PRPF8: variants seen among roughly 807,000 people sequenced by gnomAD.
The protein encoded by PRPF8 is pre-mRNA processing factor 8.
Under a neutral mutation model 285.9 loss-of-function variants are expected in PRPF8, and 64 were observed. The ratio of observed to expected loss-of-function variants is 0.22; its 90% CI spans 0.18 to 0.28. The LOEUF is 0.28. Ranked by LOEUF, PRPF8 falls within the 10% of genes least tolerant of loss-of-function variation. The probability of loss-of-function intolerance (pLI) is 1.00; values close to 1 mark genes in which losing one functional copy is unlikely to be tolerated. For synonymous variants in PRPF8, 1,325 were observed against 1,118.2 expected, an observed-to-expected ratio of 1.18 and a Z score of -3.69; for missense variants, 1,426 against 3,026.7, an observed-to-expected ratio of 0.47 and a Z score of 12.41.
In PRPF8 at chr17:1,653,102, C is replaced by T. The variant is rs1911172651; in HGVS notation, c.6369+440G>A. The T allele has an allele frequency of 3.4e-6, 1 of 291,174 alleles. No individual in the cohort carries two copies. The highest frequency in any genetic ancestry group is 3.3e-5 in the South Asian group (1 of 30,296). 18.0% of individuals were successfully genotyped at this position (291,174 alleles called of 1,614,324 possible). A position where few individuals can be genotyped will look rare whatever the true frequency, so the allele number is the denominator to read the frequency against. On this transcript the variant is annotated intron_variant, in intron 39 of 42. Coordinates refer to ENST00000304992, the MANE Select transcript of PRPF8 (RefSeq NM_006445.4). The surrounding 1 kb of genome is among the most constrained non-coding windows in gnomAD (Gnocchi z 4.9). Reference sequence around the variant, plus strand: ...TACGGGCGCATGCCACCATGCCTGGCTAATTTTTTGTATTTTTAGTAGAGA... The same window carrying T: ...TACGGGCGCATGCCACCATGCCTGGTTAATTTTTTGTATTTTTAGTAGAGA...
At position 1,677,692 on chromosome 17, in the gene PRPF8, G is replaced by C; in HGVS notation, c.1857C>G (p.Gly619=). The C allele has an allele frequency of 6.2e-7, 1 of 1,613,794 alleles. No homozygotes were observed. The highest frequency in any genetic ancestry group is 8.5e-7 in the Non-Finnish European group (1 of 1,180,012). The change falls in exon 14 of 43, where the codon GGC becomes GGG. Residue 619 remains glycine (G), a splice_region_variant and synonymous_variant. Coordinates refer to ENST00000304992, the MANE Select transcript of PRPF8 (RefSeq NM_006445.4). ...KHLIYYRFNT[G]PVGKGPGCGF... is the part of the protein sequence containing the mutation. ...CACAGCCAGGACCCTTCCCTACAGGGCCCTACGATCCCAAGCAGAAGTTAA... is the reference window on the plus strand; with the variant it reads ...CACAGCCAGGACCCTTCCCTACAGGCCCCTACGATCCCAAGCAGAAGTTAA...
chr17:1,665,234 T>G (rs568085819), intron 24 of PRPF8, among the ~76,000 whole-genome samples: 1 of 141,660 alleles, frequency 7.1e-6, no homozygotes, highest in South Asian at 2.2e-4. Flanking sequence ...AAGTGAATAA[T>G]ACTATTAGAA....
rs779426024 is a variant in PRPF8 at position 1,675,886 on chromosome 17, C to T, written c.2679+42G>A. On this transcript the variant is annotated intron_variant, in intron 18 of 42. Transcript: ENST00000304992. The surrounding 1 kb of genome is among the most constrained non-coding windows in gnomAD (Gnocchi z 6.0). ...TGGTAGAACCAAAGGCAACTGCTAC[C>T]TTTGGTAGAACCAAAAAGAAAACTT... is the stretch of plus-strand genomic sequence containing the variant. 6.2e-7 allele frequency: 1 copy of T among 1,610,694 alleles called. No homozygotes were observed. The highest frequency in any genetic ancestry group is 8.5e-7 in the Non-Finnish European group (1 of 1,179,400).
In PRPF8 at chr17:1,655,342, C is replaced by A; in HGVS notation, c.5987+8G>T. On this transcript the variant is annotated splice_region_variant and intron_variant, in intron 37 of 42. Coordinates refer to ENST00000304992, the MANE Select transcript of PRPF8 (RefSeq NM_006445.4). Reference sequence around the variant, plus strand: ...CCTCCTGTCTGTGTCCCCACCAGCACTGCTCACTTGTTTTTCTTGCCGTAG... The same window carrying A: ...CCTCCTGTCTGTGTCCCCACCAGCAATGCTCACTTGTTTTTCTTGCCGTAG... 6.2e-7 allele frequency: 1 copy of A among 1,612,894 alleles called. No individual in the cohort carries two copies. The highest frequency in any genetic ancestry group is 8.5e-7 in the Non-Finnish European group (1 of 1,180,018).
At chr17:1,678,678 C>A (rs776102733) in intron 12 of PRPF8, 26 bp from the exon 13 acceptor site, 3 of 1,614,140 alleles carry the variant, frequency 1.9e-6, no homozygotes, top group Non-Finnish European at 2.5e-6. Context: ...CCCATCAGAC[C>A]TGGAGCTTAA....
Position 1,676,895 on chromosome 17 carries a change from A to T in PRPF8, c.2181+81T>A. ...AAAAGAAAAGAGATTGGAGCCAGAT[A>T]GCCCCCTAATGATTCCCGAAGTGGT... On this transcript the variant is annotated intron_variant, in intron 15 of 42. Transcript: ENST00000304992. The surrounding 1 kb of genome is among the most constrained non-coding windows in gnomAD (Gnocchi z 6.3). 2.6e-6 allele frequency: 4 copies of T among 1,541,658 alleles called. No homozygotes were observed. The highest frequency in any genetic ancestry group is 3.6e-6 in the Non-Finnish European group (4 of 1,121,842).
At chr17:1,684,445 G>A in intron 2 of PRPF8, 27 bp downstream of exon 2, 3 of 1,611,244 alleles carry the variant, frequency 1.9e-6, no homozygotes, top group African/African-American at 1.3e-5. Flanking sequence ...CCTCCGGCCC[G>A]CGCGCCGCTC....
chr17:1,651,449 A>G lies in PRPF8; in HGVS notation c.6615T>C (p.Ser2205=), dbSNP rs771390728. The part of the protein sequence containing the change: ...THAKIMADNP[S]WDGEKTIIIT... ...TGATAATGGTCTTCTCGCCATCCCA[A>G]GATGGGTTGTCAGCCATGATCTTGG... The change falls in exon 41 of 43, where the codon TCT becomes TCC. Residue 2205 remains serine (S), a synonymous_variant. Coordinates refer to ENST00000304992, the MANE Select transcript of PRPF8 (RefSeq NM_006445.4). The surrounding 1 kb of genome is among the most constrained non-coding windows in gnomAD (Gnocchi z 5.1). 2.5e-6 allele frequency: 4 copies of G among 1,614,160 alleles called. No homozygotes were observed. In the South Asian group the frequency reaches 3.3e-5, roughly 13 times the overall value.
intron 14 of PRPF8, 41 bp from the exon 15 acceptor site, chr17:1,677,213 C>G: frequency 6.3e-7 from 1 of 1,588,866 alleles, no homozygotes. Flanking sequence ...AGGAAGATTC[C>G]TTGCTTTCAA....
In PRPF8 at chr17:1,658,665, C is replaced by G. The variant is rs1911521329; in HGVS notation, c.5237G>C (p.Arg1746Pro). The change falls in exon 33 of 43, where the codon CGG becomes CCG. Residue 1746 changes from arginine to proline, a missense_variant. This residue lies in a region of PRPF8 where 74 missense variants were observed against 161.8 expected (regional missense o/e 0.46). Transcript: ENST00000304992. This position sits in a 1 kb window ranked among gnomAD's most constrained non-coding sequence, Gnocchi z 4.1. ...ANPALYVLRE[R>P]IRKGLQLYSS... ...ATAGAGCTGTAGCCCCTTGCGGATC[C>G]GTTCACGTAACACATACAGGGCAGG... 6.2e-7 allele frequency: 1 copy of G among 1,614,110 alleles called. No individual in the cohort carries two copies. The highest frequency in any genetic ancestry group is 1.3e-5 in the African/African-American group (1 of 74,936).
chr17:1,667,097 C>T (rs1437902780), intron 24 of PRPF8, among the ~76,000 whole-genome samples: 2 of 152,108 alleles, frequency 1.3e-5, no homozygotes, highest in East Asian at 1.9e-4. Context: ...TACTTAAACC[C>T]GGGAGGCGGG....
At chr17:1,684,626 G>C in intron 1 of PRPF8, 44 bp from the exon 2 acceptor site, 3 of 1,585,014 alleles carry the variant, frequency 1.9e-6, no homozygotes, top group Non-Finnish European at 8.6e-7. Flanking sequence ...CACAGGCCCG[G>C]GCCCACAAGA....
In PRPF8 at chr17:1,673,843, GCT is replaced by G; in HGVS notation, c.3347_3348del (p.Glu1116AlafsTer3). Reference protein sequence around the residue: ...ARDLIQRYLTEHPDPNNENIV... With the variant: ...ARDLIQRYLTXHPDPNNENIV... ...ATGTTTTCATTATTGGGGTCAGGGT[GCT>G]CTGTCAGGTAACGTTGAATCAGGTC... is the stretch of plus-strand genomic sequence containing the variant. On this transcript the variant is annotated frameshift_variant, in exon 22 of 43. Transcript: ENST00000304992. LOFTEE classifies it high-confidence loss of function. The surrounding 1 kb of genome is among the most constrained non-coding windows in gnomAD (Gnocchi z 5.5). The G allele has an allele frequency of 6.2e-7, 1 of 1,614,006 alleles. No homozygotes were observed. Among genetic ancestry groups the G allele is most frequent in the Non-Finnish European group, 8.5e-7 (1 of 1,180,026 alleles).
chr17:1,671,845 C>A (rs1248370786), intron 24 of PRPF8, among the ~76,000 whole-genome samples: 16 of 110,362 alleles, frequency 1.4e-4, no homozygotes, highest in Non-Finnish European at 1.7e-4. Flanking sequence ...AGCAAGACTC[C>A]ATCTCAAAAA....
Position 1,673,829 on chromosome 17 carries a change from A to G in PRPF8, c.3363T>C (p.Asn1121=), listed in dbSNP as rs1199433083. The part of the protein sequence containing the change: ...QRYLTEHPDP[N]NENIVGYNNK... Reference sequence around the variant, plus strand: ...TATTATAGCCAACGATGTTTTCATTATTGGGGTCAGGGTGCTCTGTCAGGT... The same window carrying G: ...TATTATAGCCAACGATGTTTTCATTGTTGGGGTCAGGGTGCTCTGTCAGGT... The change falls in exon 22 of 43, where the codon AAT becomes AAC. Residue 1121 remains asparagine (N), a synonymous_variant. Coordinates refer to ENST00000304992, the MANE Select transcript of PRPF8 (RefSeq NM_006445.4). The surrounding 1 kb of genome is among the most constrained non-coding windows in gnomAD (Gnocchi z 5.5). 1.2e-6 allele frequency: 2 copies of G among 1,614,076 alleles called. No individual in the cohort carries two copies. Among genetic ancestry groups the G allele is most frequent in the South Asian group, 2.2e-5 (2 of 91,084 alleles).
Position 1,676,515 on chromosome 17 carries a change from T to C in PRPF8, c.2378A>G (p.Asn793Ser), listed in dbSNP as rs1462977741. The change falls in exon 16 of 43, where the codon AAC becomes AGC. Residue 793 changes from asparagine (N) to serine (S), a missense_variant. Physicochemically the swap from Asn to Ser is conservative, Grantham distance 46. Transcript: ENST00000304992. The surrounding 1 kb of genome is among the most constrained non-coding windows in gnomAD (Gnocchi z 6.3). ...CCTACTCTGCCCAACCTTCAGGTAGTTGTGCTGCCGCTCCTGTTCTGCCTT... is the reference window on the plus strand; with the variant it reads ...CCTACTCTGCCCAACCTTCAGGTAGCTGTGCTGCCGCTCCTGTTCTGCCTT... The part of the protein sequence containing the change: ...YLKAEQERQH[N>S]YLKDGPYITA... 1 of 1,614,024 alleles carries C rather than the reference T, an allele frequency of 6.2e-7. No individual in the cohort carries two copies. The highest frequency in any genetic ancestry group is 8.5e-7 in the Non-Finnish European group (1 of 1,180,030).
At chr17:1,680,213 A>G (rs1912829954) in intron 8 of PRPF8, among the ~76,000 whole-genome samples, 3 of 152,234 alleles carry the variant, frequency 2.0e-5, no homozygotes, top group Non-Finnish European at 4.4e-5. Context: ...ATTCTATCAT[A>G]TGAAATGTGT....
In PRPF8 at chr17:1,679,749, A is replaced by G. The variant is rs755301153; in HGVS notation, c.1149T>C (p.Phe383=). 1.2e-6 allele frequency: 2 copies of G among 1,614,056 alleles called. No individual in the cohort carries two copies. The highest frequency in any genetic ancestry group is 2.7e-5 in the African/African-American group (2 of 74,934). Residue 383 remains phenylalanine (F), a synonymous_variant, in exon 9 of 43, where the codon TTT becomes TTC. Transcript: ENST00000304992. This position sits in a 1 kb window ranked among gnomAD's most constrained non-coding sequence, Gnocchi z 4.7. ...GTGTGTCCTTCAGGAAGGGCTCCACAAACTCCGGGAGCTCAAATTCCTCAT... is the reference window on the plus strand; with the variant it reads ...GTGTGTCCTTCAGGAAGGGCTCCACGAACTCCGGGAGCTCAAATTCCTCAT... ...DDDEEFELPE[F]VEPFLKDTPL...
rs977788256 is a variant in PRPF8 at position 1,655,751 on chromosome 17, C to T, written c.5794-208G>A. On this transcript the variant is annotated intron_variant, in intron 36 of 42. Transcript: ENST00000304992. ...ATACCATTCTCCTGCCTCAGCCTCC[C>T]GAATAGCTGGGATGACAGGCACCTG... 3.3e-5 allele frequency among the ~76,000 whole-genome samples: 5 copies of T among 151,744 alleles called. No individual in the cohort carries two copies. The East Asian group carries it at 7.7e-4, about 24-fold the overall frequency.
Sources: gnomAD v4.1 joint callset for allele counts (sites outside exome capture counted in the v4.1 genomes callset) on GRCh38, gnomAD v4.1.1 for gene constraint, gnomAD v4.1.1 regional missense constraint, Gnocchi (gnomAD v3.1) non-coding constraint, MANE v1.5 for transcripts, NCBI Gene and HGNC (gene_info 2026-07-23, HGNC 2026-07-21) for gene names.